LRCH3: variants seen among roughly 807,000 people sequenced by gnomAD.
The protein encoded by LRCH3 is DISP complex protein LRCH3.
In LRCH3, 68 loss-of-function variants were observed where a neutral mutation model predicts 104.5. The observed-to-expected ratio is 0.65, with a 90% CI of 0.54 to 0.80. The LOEUF is 0.80. LRCH3 is among the 30% of genes least tolerant of loss of function. The pLI is 0.00. For missense variants in LRCH3, 951 were observed against 953.9 expected (o/e 1.00, Z 0.04); for synonymous variants, 344 against 361.3 (o/e 0.95, Z 0.54).
chr3:197,836,370 C>A (rs553135836), intron 9 of LRCH3, among the ~76,000 whole-genome samples: 16 of 152,310 alleles, frequency 1.1e-4, no homozygotes, highest in Middle Eastern at 3.4e-3. Context: ...CCTTAGAAAA[C>A]AAATGTGCAT....
intron 1 of LRCH3, 46 bp downstream of exon 1, chr3:197,791,586 G>T: frequency 6.7e-7 from 1 of 1,488,762 alleles, no homozygotes; most frequent in Non-Finnish European, 8.8e-7. Flanking sequence ...ACCCGGCGCC[G>T]GGAGCCGCCC....
chr3:197,817,001 T>C (rs1382228948), intron 2 of LRCH3, among the ~76,000 whole-genome samples, 175 bp from the exon 3 acceptor site: 2 of 152,140 alleles, frequency 1.3e-5, no homozygotes, highest in South Asian at 2.1e-4. Context: ...AGTTCAACAC[T>C]GTGCCTGTAA....
At chr3:197,838,602 T>C (rs1276804609) in intron 9 of LRCH3, among the ~76,000 whole-genome samples, 2 of 152,230 alleles carry the variant, frequency 1.3e-5, no homozygotes, top group Non-Finnish European at 2.9e-5. Context: ...TAGGTTTTCC[T>C]TTGATAACCT....
At position 197,886,911 on chromosome 3, in the gene LRCH3, TCCCATA is replaced by T. The variant is rs1714241720; in HGVS notation, c.*3246_*3251del. 1 of 152,156 alleles carries T rather than the reference TCCCATA, an allele frequency of 6.6e-6. No homozygotes were observed. The allele number at this position is 152,156 out of a possible 1,614,324, so 9.4% of individuals were successfully genotyped here. A position where few individuals can be genotyped will look rare whatever the true frequency, so the allele number is the denominator to read the frequency against. On this transcript the variant is annotated 3_prime_UTR_variant, in exon 21 of 21. Transcript: ENST00000425562. Reference sequence around the variant, plus strand: ...TACTTGCAACATTTGCAACTAATTTTCCCATAGGGATAAATGGAAATTTCAACTTAT... The same window carrying T: ...TACTTGCAACATTTGCAACTAATTTTGGGATAAATGGAAATTTCAACTTAT...
chr3:197,881,267 C>T, intron 20 of LRCH3: 1 of 993,946 alleles, frequency 1.0e-6, no homozygotes, highest in Non-Finnish European at 1.2e-6. Flanking sequence ...GGCACAGGTC[C>T]ATATAAGCAT....
chr3:197,874,024 G>GAA (rs34903890), intron 19 of LRCH3, among the ~76,000 whole-genome samples: 1,851 of 112,258 alleles, frequency 0.016, 61 homozygotes, highest in African/African-American at 0.063. Context: ...TGTCTCAAAA[G>GAA]AAAAAAAAAA....
chr3:197,871,181 ACT>A (rs1488450334), intron 18 of LRCH3, 142 bp from the exon 19 acceptor site: 1 of 637,818 alleles, frequency 1.6e-6, no homozygotes, highest in East Asian at 2.7e-5. Context: ...CTTAAGTTAA[ACT>A]TAGGATAGAG....
chr3:197,850,829 T>A, intron 12 of LRCH3: 1 of 1,088,130 alleles, frequency 9.2e-7, no homozygotes, highest in Admixed American at 1.7e-5. Context: ...TCGTGGCTTT[T>A]CGTATATGCA....
chr3:197,848,464 A>C (rs1226996049), intron 12 of LRCH3: 1 of 153,764 alleles, frequency 6.5e-6, no homozygotes, highest in Non-Finnish European at 1.4e-5. Flanking sequence ...CTCCACACAC[A>C]TCCAATTAAC....
intron 1 of LRCH3, among the ~76,000 whole-genome samples, chr3:197,807,366 G>A (rs886301398): frequency 8.6e-5 from 13 of 151,754 alleles, no homozygotes; most frequent in South Asian, 2.1e-4. Flanking sequence ...ACAGGCGCCC[G>A]CCACCACGCC....
intron 17 of LRCH3, among the ~76,000 whole-genome samples, chr3:197,868,464 G>A (rs527835174): frequency 1.3e-5 from 2 of 152,206 alleles, no homozygotes; most frequent in East Asian, 1.9e-4. Flanking sequence ...AATTTCCCCT[G>A]GATACTGACG....
chr3:197,879,540 G>A (rs978024530), intron 20 of LRCH3, among the ~76,000 whole-genome samples: 2 of 151,872 alleles, frequency 1.3e-5, no homozygotes, highest in African/African-American at 2.4e-5. Context: ...CAGCTGCTCG[G>A]GAGGCTGAGG....
intron 10 of LRCH3, among the ~76,000 whole-genome samples, chr3:197,846,492 G>C (rs1402481407): frequency 6.6e-6 from 1 of 150,762 alleles, no homozygotes; most frequent in Non-Finnish European, 1.5e-5. Context: ...AGGGGCAGGA[G>C]TTTGAGACCA....
rs951300079 is a variant in LRCH3 at position 197,856,889 on chromosome 3, T to C, written c.1645-1945T>C. Among the ~76,000 whole-genome samples the C allele has an allele frequency of 1.3e-5, 2 of 152,240 alleles. No individual in the cohort carries two copies. Among genetic ancestry groups the C allele is most frequent in the Admixed American group, 6.5e-5 (1 of 15,282 alleles). ...TACTGATTATTAAATTGTTTTGTGA[T>C]GAAAAGGTCTGATGAACGATATCAT... On this transcript the variant is annotated intron_variant, in intron 14 of 20. Transcript: ENST00000425562. The surrounding 1 kb of genome is among the most constrained non-coding windows in gnomAD (Gnocchi z 4.2).
chr3:197,879,492 A>AAAAGTTAGCCGGGCGTG (rs1713348168), intron 20 of LRCH3, among the ~76,000 whole-genome samples: 2 of 151,110 alleles, frequency 1.3e-5, no homozygotes, highest in South Asian at 4.1e-4. Context: ...TAAAAATACA[A>AAAAGTTAGCCGGGCGTG]AAAATTAGCC....
chr3:197,868,136 G>A (rs768988263), intron 17 of LRCH3, among the ~76,000 whole-genome samples: 2 of 152,176 alleles, frequency 1.3e-5, no homozygotes, highest in Non-Finnish European at 2.9e-5. Flanking sequence ...AGAAAGCATG[G>A]AAGACTGTTA....
intron 20 of LRCH3, among the ~76,000 whole-genome samples, chr3:197,878,790 G>A (rs899351588): frequency 1.3e-5 from 2 of 152,206 alleles, no homozygotes; most frequent in East Asian, 1.9e-4. Context: ...CTACCTCCTC[G>A]TCTTCCTTTT....
At chr3:197,839,671 G>C (rs1737501190) in intron 10 of LRCH3, among the ~76,000 whole-genome samples, 1 of 152,108 alleles carries the variant, frequency 6.6e-6, no homozygotes, top group African/African-American at 2.4e-5. Context: ...ATGGATTCAT[G>C]CACAAAAAGG....
chr3:197,881,189 C>T (rs535598975), intron 20 of LRCH3: 83 of 1,005,374 alleles, frequency 8.3e-5, no homozygotes, highest in East Asian at 2.0e-4. Flanking sequence ...TGGTTTTGGC[C>T]GCACCCGGTT....
Sources: gnomAD v4.1 joint callset for allele counts (sites outside exome capture counted in the v4.1 genomes callset) on GRCh38, gnomAD v4.1.1 for gene constraint, Gnocchi (gnomAD v3.1) non-coding constraint, MANE v1.5 for transcripts, NCBI Gene and HGNC (gene_info 2026-07-23, HGNC 2026-07-21) for gene names.